Variants in SYNE2 observed in about 807,000 individuals in gnomAD.
SYNE2 encodes the protein nesprin-2.
SYNE2 carries 431 observed loss-of-function variants against 856.3 expected under a neutral mutation model. The ratio of observed to expected loss-of-function variants is 0.50; its 90% CI spans 0.47 to 0.55. The LOEUF (loss-of-function observed/expected upper bound fraction) is 0.55. SYNE2 is among the 20% of genes least tolerant of loss of function. The pLI is 0.00. For missense variants in SYNE2, 8,129 were observed against 8,023.2 expected, an observed-to-expected ratio of 1.01 and a Z score of -0.50; for synonymous variants, 2,923 against 2,872.3, an observed-to-expected ratio of 1.02 and a Z score of -0.56.
chr14:63,866,751 C>G (rs918080594), intron 1 of SYNE2, among the ~76,000 whole-genome samples: 4 of 152,150 alleles, frequency 2.6e-5, no homozygotes, highest in Non-Finnish European at 5.9e-5. Context: ...GCAGGAGAAT[C>G]ACTCGAGCCC....
At chr14:64,109,376 A>G (rs2097790973) in intron 65 of SYNE2, among the ~76,000 whole-genome samples, 1 of 152,064 alleles carries the variant, frequency 6.6e-6, no homozygotes. Flanking sequence ...TCTTTTAATC[A>G]TTAACAACAG....
intron 70 of SYNE2, among the ~76,000 whole-genome samples, chr14:64,124,521 G>A (rs1279108806): frequency 6.6e-6 from 1 of 151,732 alleles, no homozygotes; most frequent in Non-Finnish European, 1.5e-5. Flanking sequence ...ACTAAGCCCA[G>A]CCTTTCCTCT....
intron 1 of SYNE2, among the ~76,000 whole-genome samples, chr14:63,883,143 C>T (rs1385547106): frequency 6.6e-6 from 1 of 152,094 alleles, no homozygotes. Context: ...TCTGCAACCT[C>T]TGCCTCCCAG....
At chr14:64,095,714 G>A (rs1454909026) in intron 61 of SYNE2, among the ~76,000 whole-genome samples, 9 of 152,068 alleles carry the variant, frequency 5.9e-5, no homozygotes, top group African/African-American at 9.7e-5. Flanking sequence ...CAGCAGAAGT[G>A]CCATATGCAT....
At chr14:64,158,554 A>G (rs922336147) in intron 85 of SYNE2, 71 bp from the exon 86 acceptor site, 28 of 1,533,018 alleles carry the variant, frequency 1.8e-5, no homozygotes, top group African/African-American at 1.8e-4. Flanking sequence ...ATTGGACACA[A>G]TGGTAGATCT....
rs146695327 is a variant in SYNE2, at chr14:64,102,035, T to C, written c.12485T>C (p.Ile4162Thr). The change falls in exon 64 of 116, where the codon ATT becomes ACT. Residue 4162 changes from isoleucine to threonine, a missense_variant. Ile to Thr is a moderately conservative substitution (Grantham distance 89, BLOSUM62 -1). Transcript: ENST00000555002. The stretch of plus-strand genomic sequence containing the variant: ...AGAGCTTCCTCATCCTCTGGAACAA[T>C]TGTTCAGGTAATGCTGGGCGTATCA... ...EDRASSSSGT[I>T]VQEAYGKIST... 1.7e-5 allele frequency: 27 copies of C among 1,612,406 alleles called. No homozygotes were observed. The highest frequency in any genetic ancestry group is 2.7e-5 in the African/African-American group (2 of 74,872).
chr14:64,219,111 T>G lies in SYNE2; in HGVS notation c.19658-97T>G, dbSNP rs535124601. On this transcript the variant is annotated intron_variant, in intron 109 of 115. Transcript: ENST00000555002. ...ATCCCCTACAGTTTTTTTGTTTTTT[T>G]TTTTTTTTTTTTTAACCACCCTGAC... 3.8e-4 allele frequency: 355 copies of G among 929,096 alleles called. 1 individual carries two copies. The highest frequency in any genetic ancestry group is 8.3e-4 in the African/African-American group (47 of 56,728). The allele number at this position is 929,096 out of a possible 1,614,324, so 57.6% of individuals were successfully genotyped here.
intron 61 of SYNE2, among the ~76,000 whole-genome samples, chr14:64,095,543 T>G (rs980085703): frequency 6.6e-6 from 1 of 152,214 alleles, no homozygotes; most frequent in Non-Finnish European, 1.5e-5. Flanking sequence ...TTAACACTTA[T>G]CTCTTCAGAA....
chr14:63,941,906 A>G lies in SYNE2; in HGVS notation c.259A>G (p.Thr87Ala). The G allele has an allele frequency of 6.2e-7, 1 of 1,613,390 alleles. No homozygotes were observed. Among genetic ancestry groups the G allele is most frequent in the Non-Finnish European group, 8.5e-7 (1 of 1,179,924 alleles). Reference protein sequence around the residue: ...QQLPRDKGSNTFQCRINIEHA... With the variant: ...QQLPRDKGSNAFQCRINIEHA... The stretch of plus-strand genomic sequence containing the variant: ...ACAGCCTCGGGATAAAGGATCTAAT[A>G]CCTTCCAGTGTAGAATCAATATAGA... The change falls in exon 5 of 116, where the codon ACC becomes GCC. Residue 87 changes from threonine (T) to alanine (A), a missense_variant. By Grantham distance (58) the Thr-to-Ala change is moderately conservative (BLOSUM62 0). Transcript: ENST00000555002.
At chr14:64,207,289 T>C (rs1333774203) in intron 100 of SYNE2, among the ~76,000 whole-genome samples, 2 of 152,142 alleles carry the variant, frequency 1.3e-5, no homozygotes, top group African/African-American at 4.8e-5. Context: ...AGTAAGAGAA[T>C]AGGGGCTGGG....
At chr14:64,154,303 G>GA (rs1165833553) in intron 85 of SYNE2, among the ~76,000 whole-genome samples, 1 of 151,736 alleles carries the variant, frequency 6.6e-6, no homozygotes, top group African/African-American at 2.4e-5. Flanking sequence ...AGCTATCAAA[G>GA]AAAAAAATAG....
At chr14:64,187,713 A>G (rs1255984) in intron 97 of SYNE2, among the ~76,000 whole-genome samples, 94,645 of 152,072 alleles carry the variant, frequency 0.62, 31,195 homozygotes, top group African/African-American at 0.86. Context: ...TTCCTGGTCC[A>G]TATAGTGGGG....
intron 1 of SYNE2, among the ~76,000 whole-genome samples, chr14:63,895,187 C>G (rs2095225919): frequency 6.6e-6 from 1 of 151,482 alleles, no homozygotes; most frequent in African/African-American, 2.4e-5. Flanking sequence ...TCACTGCAAC[C>G]TCCGCCTCCT....
chr14:63,960,259 C>CTTACT (rs1237892573), intron 8 of SYNE2, among the ~76,000 whole-genome samples: 1 of 152,122 alleles, frequency 6.6e-6, no homozygotes, highest in Non-Finnish European at 1.5e-5. Flanking sequence ...CTTTTATATG[C>CTTACT]TTACTGCCTT....
intron 40 of SYNE2, 30 bp downstream of exon 40, chr14:64,025,061 C>T: frequency 6.2e-7 from 1 of 1,613,888 alleles, no homozygotes; most frequent in Non-Finnish European, 8.5e-7. Flanking sequence ...AAATACATTA[C>T]CTGAGATTAT....
At position 63,769,827 on chromosome 14, in the gene SYNE2, A is replaced by C. The variant is rs931359201; in HGVS notation, c.-305+7841A>C. ...GGCGGGAGGATCACTTAAGCCCAGG[A>C]GGTGGAGGTTGCAGTGAGCCAAGAT... On this transcript the variant is annotated intron_variant, in intron 1 of 23. Transcript: ENST00000674003. Among the ~76,000 whole-genome samples, 10 of 151,766 alleles carry C rather than the reference A, an allele frequency of 6.6e-5. No individual in the cohort carries two copies. The East Asian group carries it at 1.8e-3, about 27-fold the overall frequency.
In SYNE2 at chr14:64,090,986, C is replaced by T; in HGVS notation, c.11914C>T (p.Gln3972Ter). The change falls in exon 60 of 116, where the codon CAG becomes TAG. Residue 3972 changes from glutamine to a stop codon, truncating the protein, a stop_gained. Coordinates refer to ENST00000555002, the MANE Select transcript of SYNE2 (RefSeq NM_182914.3). LOFTEE classifies it high-confidence loss of function. Reference protein sequence around the residue: ...KPLPVFQRTNQLLQDIKLLEN... With the variant: ...KPLPVFQRTN ...TCTGCCTGTGTTTCAGCGGACAAAT[C>T]AGCTTTTACAAGATATAAAACTATT... 6.2e-7 allele frequency: 1 copy of T among 1,614,094 alleles called. No individual in the cohort carries two copies. Among genetic ancestry groups the T allele is most frequent in the Non-Finnish European group, 8.5e-7 (1 of 1,179,994 alleles).
chr14:64,185,519 CTTTTTTTT>C (rs66490444), intron 96 of SYNE2, among the ~76,000 whole-genome samples: 1 of 77,478 alleles, frequency 1.3e-5, no homozygotes, highest in Non-Finnish European at 2.4e-5. Flanking sequence ...TTTTCTTTTT[CTTTTTTTT>C]TTTTTTTTTT....
In SYNE2 at chr14:64,212,968, T is replaced by A; in HGVS notation, c.19019T>A (p.Val6340Asp). ...HRYCQEVFGR[V>D]SRFHRRLTSC... The stretch of plus-strand genomic sequence containing the variant: ...TACTGCCAGGAGGTGTTTGGAAGGG[T>A]CTCCCGGTTCCACCGGCGGCTCACC... The change falls in exon 105 of 116, where the codon GTC (valine) becomes GAC (aspartate). Residue 6340 changes from valine to aspartate, a missense_variant. This residue lies in a region of SYNE2 where 5,410 missense variants were observed against 5,284.8 expected (regional missense o/e 1.02). Coordinates refer to ENST00000555002, the MANE Select transcript of SYNE2 (RefSeq NM_182914.3). 4 of 1,613,956 alleles carry A rather than the reference T, an allele frequency of 2.5e-6. No homozygotes were observed. The highest frequency in any genetic ancestry group is 3.4e-6 in the Non-Finnish European group (4 of 1,179,998).
Sources: allele counts gnomAD v4.1 joint callset (sites outside exome capture counted in the v4.1 genomes callset), GRCh38; gene constraint gnomAD v4.1.1; regional missense constraint gnomAD v4.1.1; transcripts MANE v1.5; gene names NCBI Gene and HGNC (gene_info 2026-07-23, HGNC 2026-07-21).